The following LRP1B variants were observed in gnomAD, a reference collection of about 807,000 sequenced individuals.
LRP1B encodes low-density lipoprotein receptor-related protein 1B.
A neutral mutation model predicts 556.6 loss-of-function variants in LRP1B; 217 were observed. That is an observed-to-expected ratio of 0.39 (90% CI 0.35 to 0.44). The LOEUF (loss-of-function observed/expected upper bound fraction) is 0.44, where lower values mean the gene tolerates loss of function less well. Among genes scored for constraint, LRP1B ranks in the 20% least tolerant of loss-of-function variants. The pLI is 1.00. For synonymous variants in LRP1B, 2,047 were observed against 1,865.8 expected, an observed-to-expected ratio of 1.10 and a Z score of -2.50; for missense variants, 5,053 against 5,620.8, an observed-to-expected ratio of 0.90 and a Z score of 3.23.
At chr2:141,319,825 A>C (rs1228402492) in intron 3 of LRP1B, among the ~76,000 whole-genome samples, 4 of 152,274 alleles carry the variant, frequency 2.6e-5, no homozygotes, top group Non-Finnish European at 5.9e-5. Context: ...CTGGGTTACA[A>C]GAAAAGGAGA....
rs1205723640 is a variant in LRP1B at position 141,247,311 on chromosome 2, G to A, written c.507C>T (p.Cys169=). Residue 169 remains cysteine, a synonymous_variant, in exon 5 of 91, where the codon TGC becomes TGT. Coordinates refer to ENST00000389484, the MANE Select transcript of LRP1B (RefSeq NM_018557.3). Reference sequence around the variant, plus strand: ...AAGTGTAGGATCCATGTGTGTTTCTGCAGGTCTGGCTGCATGTACCATAAA... The same window carrying A: ...AAGTGTAGGATCCATGTGTGTTTCTACAGGTCTGGCTGCATGTACCATAAA... ...CAVYGTCSQT[C]RNTHGSYTCS... 1 of 1,613,646 alleles carries A rather than the reference G, an allele frequency of 6.2e-7. No individual in the cohort carries two copies. The highest frequency in any genetic ancestry group is 1.7e-5 in the Admixed American group (1 of 59,972).
At chr2:140,455,947 G>A (rs1687090995) in intron 62 of LRP1B, among the ~76,000 whole-genome samples, 1 of 152,128 alleles carries the variant, frequency 6.6e-6, no homozygotes, top group Non-Finnish European at 1.5e-5. Context: ...CAGTAGACAA[G>A]TTAACTCCTG....
chr2:140,858,460 TA>T (rs202111262), intron 27 of LRP1B, among the ~76,000 whole-genome samples: 2 of 146,650 alleles, frequency 1.4e-5, no homozygotes, highest in African/African-American at 5.0e-5. Context: ...TCAACTCTGC[TA>T]AAAAAATTAT....
intron 55 of LRP1B, among the ~76,000 whole-genome samples, chr2:140,496,549 C>T (rs970397843): frequency 2.6e-5 from 4 of 152,026 alleles, no homozygotes; most frequent in African/African-American, 7.2e-5. Flanking sequence ...TTTTATTTGT[C>T]CTTCTGATGA....
At chr2:140,939,824 A>AT (rs577803241) in intron 20 of LRP1B, among the ~76,000 whole-genome samples, 3 of 150,600 alleles carry the variant, frequency 2.0e-5, no homozygotes, top group Non-Finnish European at 3.0e-5. Context: ...TACAGGTAAA[A>AT]TTTTTTTTAG....
At chr2:140,368,360 G>A (rs929883240) in intron 71 of LRP1B, among the ~76,000 whole-genome samples, 8 of 151,770 alleles carry the variant, frequency 5.3e-5, no homozygotes, top group African/African-American at 1.9e-4. Context: ...TAAGCATCTA[G>A]AGTTCTCATC....
intron 32 of LRP1B, among the ~76,000 whole-genome samples, chr2:140,794,771 G>T (rs964254282): frequency 6.6e-6 from 1 of 151,804 alleles, no homozygotes; most frequent in African/African-American, 2.4e-5. Context: ...GAGCCACTAC[G>T]CCCAGCTAAT....
chr2:141,505,530 T>C (rs1441593775), intron 2 of LRP1B, among the ~76,000 whole-genome samples: 1 of 152,078 alleles, frequency 6.6e-6, no homozygotes, highest in Admixed American at 6.6e-5. Flanking sequence ...CTGAAATCTA[T>C]GAATTGAAAA....
chr2:141,247,672 C>T (rs1278259980), intron 4 of LRP1B, among the ~76,000 whole-genome samples: 1 of 152,040 alleles, frequency 6.6e-6, no homozygotes, highest in Non-Finnish European at 1.5e-5. Context: ...TGAATATTTC[C>T]AGTGTTTATG....
At chr2:141,813,600 A>AAACC (rs146379404) in intron 1 of LRP1B, among the ~76,000 whole-genome samples, 11,980 of 151,910 alleles carry the variant, frequency 0.079, 490 homozygotes, top group Middle Eastern at 0.16. Flanking sequence ...ACAAACAAAC[A>AAACC]AACAAAAAAC....
At chr2:140,239,568 A>G (rs1418861700) in intron 87 of LRP1B, 36 bp from the exon 88 acceptor site, 14 of 1,378,080 alleles carry the variant, frequency 1.0e-5, no homozygotes, top group Non-Finnish European at 1.4e-5. Context: ...GAAGAAATAA[A>G]TAAAATGAAG....
chr2:140,398,235 A>G (rs1684338287), intron 66 of LRP1B, among the ~76,000 whole-genome samples: 1 of 152,174 alleles, frequency 6.6e-6, no homozygotes, highest in South Asian at 2.1e-4. Context: ...TTTTATCTAA[A>G]TTATTATTTA....
intron 79 of LRP1B, among the ~76,000 whole-genome samples, chr2:140,330,917 A>C (rs1339754411): frequency 2.6e-5 from 4 of 152,136 alleles, no homozygotes; most frequent in Non-Finnish European, 5.9e-5. Flanking sequence ...AAGAACAGAC[A>C]CTTTTCAAAA....
chr2:141,630,789 A>C (rs976866354), intron 2 of LRP1B, among the ~76,000 whole-genome samples: 2 of 152,040 alleles, frequency 1.3e-5, no homozygotes, highest in Non-Finnish European at 2.9e-5. Flanking sequence ...TGTTTGAATC[A>C]CTCATCTTTT....
At chr2:140,965,260 C>T (rs921538334) in intron 18 of LRP1B, among the ~76,000 whole-genome samples, 5 of 152,120 alleles carry the variant, frequency 3.3e-5, no homozygotes, top group African/African-American at 9.7e-5. Context: ...TTTGTCAATA[C>T]TTAAGTATTT....
Position 140,779,755 on chromosome 2 carries a change from AGTGTGTGTGTGTGT to A in LRP1B, c.5360-3531_5360-3518del, listed in dbSNP as rs70988440. On this transcript the variant is annotated intron_variant, in intron 32 of 90. Transcript: ENST00000389484. ...TGGTGTGTCTGTCTCTCTGTGAGAG[AGTGTGTGTGTGTGT>A]GTGTGTGTGTGTGTGTAGCAGTGCA... 6.9e-3 allele frequency among the ~76,000 whole-genome samples: 937 copies of A among 135,360 alleles called. 13 individuals carry two copies. The highest frequency in any genetic ancestry group is 0.023 in the African/African-American group (853 of 36,406). The allele number at this position is 135,360 out of a possible 152,430, so 88.8% of individuals were successfully genotyped here.
chr2:140,371,579 C>T (rs1400788274), intron 69 of LRP1B, among the ~76,000 whole-genome samples: 2 of 150,626 alleles, frequency 1.3e-5, no homozygotes, highest in Non-Finnish European at 3.0e-5. Flanking sequence ...ACCTTGATAT[C>T]CTTCATCCCT....
intron 2 of LRP1B, among the ~76,000 whole-genome samples, chr2:141,740,885 A>G (rs754298368): frequency 6.6e-5 from 10 of 152,032 alleles, no homozygotes; most frequent in Non-Finnish European, 1.0e-4. Context: ...TTTTGTACCC[A>G]TTAACCATCC....
intron 60 of LRP1B, among the ~76,000 whole-genome samples, chr2:140,460,573 T>C (rs931709546): frequency 3.3e-5 from 5 of 152,206 alleles, no homozygotes; most frequent in African/African-American, 1.2e-4. Flanking sequence ...TATATAAAAC[T>C]GCATTTGCTT....
Sources: gnomAD v4.1 joint callset for allele counts (sites outside exome capture counted in the v4.1 genomes callset) on GRCh38, gnomAD v4.1.1 for gene constraint, MANE v1.5 for transcripts, NCBI Gene and HGNC (gene_info 2026-07-23, HGNC 2026-07-21) for gene names.